The following YAP1 variants were observed in gnomAD, a reference collection of about 807,000 sequenced individuals.
The protein encoded by YAP1 is Yes1 associated transcriptional regulator.
YAP1 carries 5 observed loss-of-function variants against 56.9 expected under a neutral mutation model. The ratio of observed to expected loss-of-function variants is 0.09; its 90% CI spans 0.05 to 0.18. The LOEUF (loss-of-function observed/expected upper bound fraction) is 0.18. Among genes scored for constraint, YAP1 ranks in the 10% least tolerant of loss-of-function variants. YAP1 has a pLI of 1.00. For synonymous variants in YAP1, 265 were observed against 248.1 expected (o/e 1.07, Z -0.64); for missense variants, 539 against 651.8 (o/e 0.83, Z 1.88).
chr11:102,192,880 A>G (rs1192732122), intron 4 of YAP1, among the ~76,000 whole-genome samples: 1 of 152,238 alleles, frequency 6.6e-6, no homozygotes, highest in Non-Finnish European at 1.5e-5. Context: ...TAATCTAAAG[A>G]TAAGCCTTAT....
chr11:102,118,087 T>C (rs1943402747), intron 2 of YAP1, among the ~76,000 whole-genome samples: 1 of 152,206 alleles, frequency 6.6e-6, no homozygotes, highest in African/African-American at 2.4e-5. Context: ...CAAAGATATG[T>C]GTTCTTATAT....
At chr11:102,111,291 TG>T in intron 1 of YAP1, 122 bp downstream of exon 1, 1 of 1,208,106 alleles carries the variant, frequency 8.3e-7, no homozygotes. Flanking sequence ...CTAGCTGGGG[TG>T]GGGGTCCCGA....
intron 6 of YAP1, among the ~76,000 whole-genome samples, chr11:102,211,141 G>A (rs1303966683): frequency 6.6e-6 from 1 of 152,140 alleles, no homozygotes; most frequent in African/African-American, 2.4e-5. Context: ...AGGAGATTTG[G>A]ATTCAGGTAA....
chr11:102,201,867 C>T (rs1340509332), intron 4 of YAP1, among the ~76,000 whole-genome samples: 2 of 151,898 alleles, frequency 1.3e-5, no homozygotes, highest in East Asian at 3.9e-4. Context: ...AATACCATTT[C>T]CCACTCAAAG....
chr11:102,206,216 C>T, intron 5 of YAP1, 142 bp downstream of exon 5: 3 of 975,958 alleles, frequency 3.1e-6, no homozygotes, highest in South Asian at 2.3e-5. Flanking sequence ...TTCTATCCAG[C>T]CCTGTCCTTG....
intron 1 of YAP1, among the ~76,000 whole-genome samples, chr11:102,111,438 CCTT>C (rs1235759159): frequency 6.6e-6 from 1 of 151,844 alleles, no homozygotes; most frequent in African/African-American, 2.4e-5. Flanking sequence ...TGCTTTCCCT[CCTT>C]CTTCCTTTCT....
At chr11:102,215,668 A>G (rs927077951) in intron 6 of YAP1, among the ~76,000 whole-genome samples, 2 of 152,098 alleles carry the variant, frequency 1.3e-5, no homozygotes, top group Non-Finnish European at 2.9e-5. Flanking sequence ...TAGTAGAGAC[A>G]GGGTTTCACC....
At chr11:102,219,669 T>C (rs1203342133) in intron 6 of YAP1, among the ~76,000 whole-genome samples, 1 of 151,810 alleles carries the variant, frequency 6.6e-6, no homozygotes, top group Non-Finnish European at 1.5e-5. Context: ...TGAGTATAAA[T>C]GAAGTTACTT....
At chr11:102,153,736 T>G (rs1019675596) in intron 2 of YAP1, among the ~76,000 whole-genome samples, 1 of 152,202 alleles carries the variant, frequency 6.6e-6, no homozygotes, top group Non-Finnish European at 1.5e-5. Flanking sequence ...ACAGCCTTTT[T>G]ACTAACTTTT....
At chr11:102,164,149 C>T (rs111520626) in intron 3 of YAP1, among the ~76,000 whole-genome samples, 5,923 of 151,516 alleles carry the variant, frequency 0.039, 152 homozygotes, top group Non-Finnish European at 0.063. Context: ...GTGATTCTCG[C>T]GCCTCAGCCT....
intron 4 of YAP1, among the ~76,000 whole-genome samples, chr11:102,192,732 T>C (rs541107954): frequency 1.3e-4 from 20 of 152,356 alleles, no homozygotes; most frequent in African/African-American, 4.8e-4. Flanking sequence ...TACTTCTCAA[T>C]AGCCTTTTTG....
intron 6 of YAP1, among the ~76,000 whole-genome samples, chr11:102,214,479 A>G (rs1949566336): frequency 6.6e-6 from 1 of 152,186 alleles, no homozygotes; most frequent in Non-Finnish European, 1.5e-5. Context: ...TATGAAAACA[A>G]TTGCCAACAA....
At chr11:102,139,723 T>G (rs573633871) in intron 2 of YAP1, among the ~76,000 whole-genome samples, 19 of 152,316 alleles carry the variant, frequency 1.2e-4, no homozygotes, top group Middle Eastern at 3.4e-3. Context: ...TTACTTACGC[T>G]TATAAAAACA....
intron 3 of YAP1, 81 bp downstream of exon 3, chr11:102,162,652 C>T (rs1011622547): frequency 3.9e-5 from 52 of 1,335,072 alleles, no homozygotes; most frequent in South Asian, 3.8e-4. Context: ...AGTCATTACT[C>T]GTTTACAGAA....
At chr11:102,140,713 C>T (rs989419600) in intron 2 of YAP1, among the ~76,000 whole-genome samples, 8 of 151,920 alleles carry the variant, frequency 5.3e-5, no homozygotes, top group African/African-American at 1.9e-4. Flanking sequence ...CGTGGTTGTG[C>T]GCACCTGTAA....
intron 3 of YAP1, among the ~76,000 whole-genome samples, chr11:102,185,336 T>A (rs1165060338): frequency 6.6e-6 from 1 of 152,246 alleles, no homozygotes; most frequent in Admixed American, 6.5e-5. Flanking sequence ...TCTCAAATGA[T>A]GTTCCTTAAA....
chr11:102,184,013 C>G (rs1347032924), intron 3 of YAP1, among the ~76,000 whole-genome samples: 17 of 146,586 alleles, frequency 1.2e-4, no homozygotes, highest in Non-Finnish European at 1.6e-4. Context: ...GGAGGCGGAG[C>G]TTGCAGTGAG....
chr11:102,207,512 C>T (rs775745913), intron 5 of YAP1, among the ~76,000 whole-genome samples: 31 of 150,004 alleles, frequency 2.1e-4, no homozygotes, highest in Admixed American at 3.3e-4. Context: ...GGCAACATGG[C>T]GAGACTCTGT....
At chr11:102,167,012 G>A (rs1374836546) in intron 3 of YAP1, among the ~76,000 whole-genome samples, 1 of 151,968 alleles carries the variant, frequency 6.6e-6, no homozygotes, top group Non-Finnish European at 1.5e-5. Context: ...ATTGGCTTTA[G>A]CAAAAATGAT....
Sources: allele counts gnomAD v4.1 joint callset (sites outside exome capture counted in the v4.1 genomes callset), GRCh38; gene constraint gnomAD v4.1.1; transcripts MANE v1.5; gene names NCBI Gene and HGNC (gene_info 2026-07-23, HGNC 2026-07-21).